Variants in EPB41L1 observed in about 807,000 individuals in gnomAD.
EPB41L1 encodes band 4.1-like protein 1.
A neutral mutation model predicts 97.8 loss-of-function variants in EPB41L1; 29 were observed. That is an observed-to-expected ratio of 0.30 (90% confidence interval 0.22 to 0.40). The LOEUF (loss-of-function observed/expected upper bound fraction) is 0.40, where lower values mean the gene tolerates loss of function less well. Among genes scored for constraint, EPB41L1 ranks in the 10% least tolerant of loss-of-function variants. The pLI, the probability that EPB41L1 is intolerant of heterozygous loss-of-function variation, is 1.00. For synonymous variants in EPB41L1, 383 were observed against 459.2 expected, an observed-to-expected ratio of 0.83 and a Z score of 2.12; for missense variants, 812 against 1,162.3, an observed-to-expected ratio of 0.70 and a Z score of 4.38.
intron 13 of EPB41L1, 96 bp from the exon 14 acceptor site, chr20:36,197,763 A>G (rs2062280836): frequency 4.4e-6 from 7 of 1,608,762 alleles, no homozygotes; most frequent in Admixed American, 1.7e-5. Context: ...TTGCTGGTGG[A>G]GGGTGGTGAT....
At chr20:36,100,005 A>G (rs1007676375) in intron 1 of EPB41L1, among the ~76,000 whole-genome samples, 5 of 152,182 alleles carry the variant, frequency 3.3e-5, no homozygotes, top group African/African-American at 1.2e-4. Context: ...CACTCTGGCT[A>G]TGGCCATCTC....
At chr20:36,117,563 G>A (rs1377661221) in intron 2 of EPB41L1, among the ~76,000 whole-genome samples, 1 of 152,136 alleles carries the variant, frequency 6.6e-6, no homozygotes, top group Non-Finnish European at 1.5e-5. Context: ...GATTTTCCTT[G>A]TAATCCTGAG....
At chr20:36,131,328 T>C (rs180877090) in intron 2 of EPB41L1, among the ~76,000 whole-genome samples, 161 of 152,156 alleles carry the variant, frequency 1.1e-3, no homozygotes, top group African/African-American at 3.8e-3. Context: ...CAGGCTAGTC[T>C]CAAATTCCTG....
Position 36,190,050 on chromosome 20 carries a change from A to T in EPB41L1, c.1027-227A>T, listed in dbSNP as rs1000611589. 6.6e-6 allele frequency among the ~76,000 whole-genome samples: 1 copy of T among 151,918 alleles called. No individual in the cohort carries two copies. Among genetic ancestry groups the T allele is most frequent in the Non-Finnish European group, 1.5e-5 (1 of 67,968 alleles). On this transcript the variant is annotated intron_variant, in intron 9 of 21. Transcript: ENST00000338074. This position sits in a 1 kb window ranked among gnomAD's most constrained non-coding sequence, Gnocchi z 5.8. Reference sequence around the variant, plus strand: ...AAATTAGCTGGTGTGGTGTCGTCTGACTGTAGTCCTGGCTACTTGGGAGGC... The same window carrying T: ...AAATTAGCTGGTGTGGTGTCGTCTGTCTGTAGTCCTGGCTACTTGGGAGGC...
chr20:36,164,350 C>T (rs917572573), intron 1 of EPB41L1, among the ~76,000 whole-genome samples: 8 of 152,212 alleles, frequency 5.3e-5, no homozygotes. Flanking sequence ...GTCTTAGTAA[C>T]TGACTATTAA....
At chr20:36,224,294 A>G (rs2063974569) in intron 21 of EPB41L1, among the ~76,000 whole-genome samples, 1 of 152,234 alleles carries the variant, frequency 6.6e-6, no homozygotes, top group African/African-American at 2.4e-5. Context: ...TAATTTTTAC[A>G]TTGGTTACAT....
At chr20:36,118,778 T>C (rs2058663750) in intron 2 of EPB41L1, among the ~76,000 whole-genome samples, 1 of 152,250 alleles carries the variant, frequency 6.6e-6, no homozygotes, top group African/African-American at 2.4e-5. Flanking sequence ...AATTTATTTA[T>C]TTATTTTACT....
intron 5 of EPB41L1, among the ~76,000 whole-genome samples, chr20:36,179,041 C>T (rs1178935998): frequency 6.6e-6 from 1 of 150,442 alleles, no homozygotes; most frequent in Non-Finnish European, 1.5e-5. Flanking sequence ...TGCCACTGCA[C>T]TCCAGCCTGG....
At chr20:36,152,926 G>A (rs1225361185), upstream of EPB41L1, 4 of 454,756 alleles carry the variant, frequency 8.8e-6, no homozygotes, top group East Asian at 7.0e-5. Context: ...TCTGTCAGTC[G>A]GCCTGGGCAG....
intron 2 of EPB41L1, among the ~76,000 whole-genome samples, chr20:36,174,183 G>A (rs527360166): frequency 6.6e-6 from 1 of 152,082 alleles, no homozygotes; most frequent in South Asian, 2.1e-4. Flanking sequence ...AATCTCCCAG[G>A]CTCAAGCAAT....
chr20:36,127,059 G>A (rs1299847676), intron 2 of EPB41L1, among the ~76,000 whole-genome samples: 3 of 152,186 alleles, frequency 2.0e-5, no homozygotes, highest in Non-Finnish European at 2.9e-5. Flanking sequence ...CAGCGGGAGG[G>A]CCCCCGCAGA....
upstream of EPB41L1, among the ~76,000 whole-genome samples, chr20:36,153,613 C>T (rs767722334): frequency 6.6e-6 from 1 of 152,118 alleles, no homozygotes; most frequent in Non-Finnish European, 1.5e-5. Context: ...CTGCGGTTAC[C>T]CACCATTCTC....
chr20:36,186,819 A>C (rs550647688), intron 7 of EPB41L1, among the ~76,000 whole-genome samples: 1 of 152,204 alleles, frequency 6.6e-6, no homozygotes, highest in Non-Finnish European at 1.5e-5. Context: ...CTCGTGTCCA[A>C]GTATCCCACA....
chr20:36,093,630 T>C lies in EPB41L1; in HGVS notation c.-65+2018T>C, dbSNP rs1205718216. On this transcript the variant is annotated intron_variant, in intron 1 of 19. Transcript: ENST00000202028. The surrounding 1 kb of genome is among the most constrained non-coding windows in gnomAD (Gnocchi z 5.4). ...TGGGCTGACAGCAGAGCCCGCGTTCTGACCTGAGCTGGAGAGGAGGGCGTG... is the reference window on the plus strand; with the variant it reads ...TGGGCTGACAGCAGAGCCCGCGTTCCGACCTGAGCTGGAGAGGAGGGCGTG... Among the ~76,000 whole-genome samples, 2 of 151,148 alleles carry C rather than the reference T, an allele frequency of 1.3e-5. No homozygotes were observed.
chr20:36,114,616 T>C (rs928040054), intron 2 of EPB41L1, among the ~76,000 whole-genome samples: 1 of 152,172 alleles, frequency 6.6e-6, no homozygotes, highest in Non-Finnish European at 1.5e-5. Context: ...AAAATGACTT[T>C]AGTGGATCCT....
intron 14 of EPB41L1, among the ~76,000 whole-genome samples, chr20:36,202,141 T>G (rs1175231645): frequency 6.6e-6 from 1 of 152,166 alleles, no homozygotes; most frequent in African/African-American, 2.4e-5. Context: ...GAGATGCTCC[T>G]GTGACCAAGG....
rs541598464 is a variant in EPB41L1, at chr20:36,183,443, G to A, written c.566+1096G>A. ...AGTTCTGAGCCCTGAGGTCAGGTGCGGGCTAATGTGGCAGCAGCAAGATCT... is the reference window on the plus strand; with the variant it reads ...AGTTCTGAGCCCTGAGGTCAGGTGCAGGCTAATGTGGCAGCAGCAAGATCT... On this transcript the variant is annotated intron_variant, in intron 6 of 21. Transcript: ENST00000338074. Among the ~76,000 whole-genome samples, 44 of 152,316 alleles carry A rather than the reference G, an allele frequency of 2.9e-4. 1 individual carries two copies. The highest frequency in any genetic ancestry group is 9.1e-4 in the African/African-American group (38 of 41,574).
intron 2 of EPB41L1, among the ~76,000 whole-genome samples, chr20:36,127,295 G>T (rs573405191): frequency 5.6e-4 from 85 of 152,348 alleles, no homozygotes; most frequent in African/African-American, 1.9e-3. Context: ...GTGATGAGGA[G>T]ATGCCTTTGT....
intron 1 of EPB41L1, among the ~76,000 whole-genome samples, chr20:36,099,693 C>T (rs1017283730): frequency 3.3e-5 from 5 of 152,118 alleles, no homozygotes; most frequent in African/African-American, 1.2e-4. Context: ...CCTTATTAGC[C>T]TGAGGAGGGA....
Sources: gnomAD v4.1 joint callset for allele counts (sites outside exome capture counted in the v4.1 genomes callset) on GRCh38, gnomAD v4.1.1 for gene constraint, Gnocchi (gnomAD v3.1) non-coding constraint, MANE v1.5 for transcripts, NCBI Gene and HGNC (gene_info 2026-07-23, HGNC 2026-07-21) for gene names.